ASTL: variants seen among roughly 807,000 people sequenced by gnomAD.
ASTL encodes astacin like metalloendopeptidase, also known as astacin-like metalloendopeptidase.
ASTL carries 27 observed loss-of-function variants against 36.7 expected under a neutral mutation model. That is an observed-to-expected ratio of 0.73 (90% confidence interval 0.54 to 1.01). The LOEUF (loss-of-function observed/expected upper bound fraction) is 1.01. Ranked by LOEUF, ASTL falls within the 50% of genes least tolerant of loss-of-function variation. The pLI is 0.00. For missense variants in ASTL, 524 were observed against 572.8 expected (o/e 0.91, Z 0.87); for synonymous variants, 222 against 228.1 (o/e 0.97, Z 0.24).
rs1682003701 is a variant in ASTL, at chr2:96,123,714, G to A, written c.*136C>T. ...AACACAGTGAAGAGAGACAGGGGAA[G>A]AGTCCTGGCCCTCTGAGATGGGGTG... On this transcript the variant is annotated 3_prime_UTR_variant, in exon 9 of 9. Coordinates refer to ENST00000342380, the MANE Select transcript of ASTL (RefSeq NM_001002036.4). The A allele has an allele frequency of 3.0e-6, 2 of 670,138 alleles. No individual in the cohort carries two copies. Among genetic ancestry groups the A allele is most frequent in the Non-Finnish European group, 5.1e-6 (2 of 394,824 alleles). The allele number at this position is 670,138 out of a possible 1,614,324, so 41.5% of individuals were successfully genotyped here. A position where few individuals can be genotyped will look rare whatever the true frequency, so the allele number is the denominator to read the frequency against.
Position 96,124,145 on chromosome 2 carries a change from G to A in ASTL, c.1001C>T (p.Pro334Leu), listed in dbSNP as rs770500068. 6.4e-7 allele frequency: 1 copy of A among 1,570,104 alleles called. No homozygotes were observed. Among genetic ancestry groups the A allele is most frequent in the Non-Finnish European group, 8.6e-7 (1 of 1,157,688 alleles). The change falls in exon 9 of 9, where the codon CCC becomes CTC. Residue 334 changes from proline (P) to leucine (L), a missense_variant. Pro to Leu is a moderately conservative substitution (Grantham distance 98). Coordinates refer to ENST00000342380, the MANE Select transcript of ASTL (RefSeq NM_001002036.4). The surrounding 1 kb of genome is among the most constrained non-coding windows in gnomAD (Gnocchi z 4.1). Reference sequence around the variant, plus strand: ...GCTCTCCCCAGGCCCTGCAGGAACGGGCTGGCCTCCCGCACTGGAACCACT... The same window carrying A: ...GCTCTCCCCAGGCCCTGCAGGAACGAGCTGGCCTCCCGCACTGGAACCACT... ...DPSGSSAGGQ[P>L]VPAGPGESPH...
Position 96,124,079 on chromosome 2 carries a change from G to A in ASTL, c.1067C>T (p.Ala356Val), listed in dbSNP as rs905698895. ...CTGAGGCTGCCTTGCCGAGGCCTCT[G>A]CACTGAGCTTTTTCAGGGCAGGGGA... ...WESPALKKLS[A>V]EASARQPQTL... Residue 356 changes from alanine to valine, a missense_variant, in exon 9 of 9, where the codon GCA becomes GTA. Coordinates refer to ENST00000342380, the MANE Select transcript of ASTL (RefSeq NM_001002036.4). The surrounding 1 kb of genome is among the most constrained non-coding windows in gnomAD (Gnocchi z 4.1). 2 of 1,612,254 alleles carry A rather than the reference G, an allele frequency of 1.2e-6. No individual in the cohort carries two copies. Among genetic ancestry groups the A allele is most frequent in the African/African-American group, 1.3e-5 (1 of 74,890 alleles).
Position 96,132,542 on chromosome 2 carries a change from G to A in ASTL, c.635C>T (p.Pro212Leu), listed in dbSNP as rs1682201972. Residue 212 changes from proline (P) to leucine (L), a missense_variant and splice_region_variant, in exon 6 of 9, where the codon CCA (proline) becomes CTA (leucine). Physicochemically the swap from Pro to Leu is moderately conservative, Grantham distance 98. Coordinates refer to ENST00000342380, the MANE Select transcript of ASTL (RefSeq NM_001002036.4). The surrounding 1 kb of genome is among the most constrained non-coding windows in gnomAD (Gnocchi z 5.4). ...GTCCTGCGTGTGGCCTGGCTCACCT[G>A]GCAGGATCTCGTTCCAGTTGACACG... ...YIRVNWNEILPGFEINFIKSQ... is the reference protein window; with the variant it reads ...YIRVNWNEILLGFEINFIKSQ... 2 of 1,592,466 alleles carry A rather than the reference G, an allele frequency of 1.3e-6. No homozygotes were observed. Among genetic ancestry groups the A allele is most frequent in the South Asian group, 2.2e-5 (2 of 90,206 alleles).
intron 1 of ASTL, 43 bp downstream of exon 1, chr2:96,138,339 C>T (rs966186295): frequency 5.7e-6 from 9 of 1,569,362 alleles, no homozygotes; most frequent in Admixed American, 3.6e-5. Flanking sequence ...CCAGCTTTCT[C>T]CAGGCTGGAG....
intron 2 of ASTL, 67 bp downstream of exon 2, chr2:96,137,508 T>C: frequency 6.5e-7 from 1 of 1,547,854 alleles, no homozygotes; most frequent in South Asian, 1.1e-5. Flanking sequence ...TTCTGAGTGT[T>C]CGGTGTGGTT....
chr2:96,127,141 CTA>C (rs1682080876), intron 8 of ASTL, among the ~76,000 whole-genome samples: 1 of 152,156 alleles, frequency 6.6e-6, no homozygotes, highest in East Asian at 1.9e-4. Flanking sequence ...ACACAAGAGG[CTA>C]TGTGTTATGA....
At position 96,132,190 on chromosome 2, in the gene ASTL, A is replaced by T. The variant is rs373693181; in HGVS notation, c.637+350T>A. Among the ~76,000 whole-genome samples, 1 of 152,346 alleles carries T rather than the reference A, an allele frequency of 6.6e-6. No homozygotes were observed. The highest frequency in any genetic ancestry group is 1.5e-5 in the Non-Finnish European group (1 of 68,036). On this transcript the variant is annotated intron_variant, in intron 6 of 8. Transcript: ENST00000342380. The surrounding 1 kb of genome is among the most constrained non-coding windows in gnomAD (Gnocchi z 5.4). The stretch of plus-strand genomic sequence containing the variant: ...AGTCCATGGTGGTGGTATCTGGTAC[A>T]TGAGACCGCTGCTAGAGTACTCAAC...
chr2:96,132,729 G>A lies in ASTL; in HGVS notation c.456-8C>T. 4 of 1,603,090 alleles carry A rather than the reference G, an allele frequency of 2.5e-6. No individual in the cohort carries two copies. In the South Asian group the frequency reaches 3.3e-5, roughly 13 times the overall value. ...CCCACACTCGAGAAGCACCTGCAGG[G>A]TGATGAGAGCAAGTGGGGTAAGTGC... is the stretch of plus-strand genomic sequence containing the variant. On this transcript the variant is annotated splice_polypyrimidine_tract_variant and splice_region_variant and intron_variant, in intron 5 of 8. Transcript: ENST00000342380. The surrounding 1 kb of genome is among the most constrained non-coding windows in gnomAD (Gnocchi z 5.4).
Position 96,136,469 on chromosome 2 carries a change from C to T in ASTL, c.182-1057G>A, listed in dbSNP as rs1201394976. ...GGCAGCCCTTATGAGACAGCCTCAC[C>T]GTAGGTGATAGGATAGTTGTTGGGG... On this transcript the variant is annotated intron_variant, in intron 2 of 8. Coordinates refer to ENST00000342380, the MANE Select transcript of ASTL (RefSeq NM_001002036.4). 4.6e-5 allele frequency among the ~76,000 whole-genome samples: 7 copies of T among 152,332 alleles called. No homozygotes were observed. In the South Asian group the frequency reaches 8.3e-4, roughly 18 times the overall value.
At chr2:96,133,368 A>T in intron 5 of ASTL, 57 bp downstream of exon 5, 1 of 1,200,468 alleles carries the variant, frequency 8.3e-7, no homozygotes, top group Non-Finnish European at 1.2e-6. Flanking sequence ...TGGCCAAGTT[A>T]ATTCCGGGCT....
At chr2:96,127,035 A>G (rs1224027708) in intron 8 of ASTL, among the ~76,000 whole-genome samples, 7 of 152,214 alleles carry the variant, frequency 4.6e-5, no homozygotes, top group Admixed American at 4.6e-4. Context: ...TCAACTGGTG[A>G]CTAAGTATGG....
Position 96,131,376 on chromosome 2 carries a change from G to A in ASTL, c.637+1164C>T, listed in dbSNP as rs114164839. ...CAATTTCTGAATAGGAGAAGCTTTC[G>A]GTTTTGATGTATCGGTTTCTACTTT... On this transcript the variant is annotated intron_variant, in intron 6 of 8. Transcript: ENST00000342380. Among the ~76,000 whole-genome samples the A allele has an allele frequency of 4.7e-3, 720 of 151,992 alleles. 6 individuals carry two copies. The highest frequency in any genetic ancestry group is 0.016 in the African/African-American group (682 of 41,422).
At chr2:96,129,434 T>C (rs1269155875) in intron 8 of ASTL, among the ~76,000 whole-genome samples, 1 of 152,212 alleles carries the variant, frequency 6.6e-6, no homozygotes, top group Non-Finnish European at 1.5e-5. Flanking sequence ...TTTTTTTGCT[T>C]CCTTTCCAAT....
chr2:96,133,984 G>A lies in ASTL; in HGVS notation c.318C>T (p.Phe106=). ...ACTCACCGTACTTGCTGGAGAGCAG[G>A]AAGGGGACCTCCACGACACCACTAC... The part of the protein sequence containing the change: ...MGGSGVVEVP[F]LLSSKYDEPS... Residue 106 remains phenylalanine, a synonymous_variant, in exon 4 of 9, where the codon TTC becomes TTT. Coordinates refer to ENST00000342380, the MANE Select transcript of ASTL (RefSeq NM_001002036.4). The A allele has an allele frequency of 6.2e-7, 1 of 1,613,500 alleles. No individual in the cohort carries two copies. The highest frequency in any genetic ancestry group is 1.7e-5 in the Admixed American group (1 of 60,026).
chr2:96,135,359 T>A lies in ASTL; in HGVS notation c.235A>T (p.Ile79Phe), dbSNP rs184519754. ...ESSFLIEGDI[I>F]RPSPFRLLSA... is the part of the protein sequence containing the mutation. The stretch of plus-strand genomic sequence containing the variant: ...TCAGTGTGTGCACTCACCGGCCGGA[T>A]GATGTCCCCCTCGATGAGGAAGCTG... The change falls in exon 3 of 9, where the codon ATC becomes TTC. Residue 79 changes from isoleucine to phenylalanine, a missense_variant. Transcript: ENST00000342380. 3.1e-6 allele frequency: 5 copies of A among 1,614,110 alleles called. No homozygotes were observed. Among genetic ancestry groups the A allele is most frequent in the African/African-American group, 2.7e-5 (2 of 75,062 alleles).
At chr2:96,130,633 G>A (rs1438933822) in intron 6 of ASTL, among the ~76,000 whole-genome samples, 1 of 152,172 alleles carries the variant, frequency 6.6e-6, no homozygotes, top group Non-Finnish European at 1.5e-5. Flanking sequence ...CACTTCCCCA[G>A]ATTTGGAGCC....
chr2:96,133,908 C>T (rs1682239375), intron 4 of ASTL, 57 bp downstream of exon 4: 1 of 1,184,862 alleles, frequency 8.4e-7, no homozygotes, highest in Non-Finnish European at 1.3e-6. Context: ...AGAGGAACAC[C>T]TGCCGCATTA....
chr2:96,135,279 A>C, intron 3 of ASTL, 72 bp downstream of exon 3: 1 of 1,306,742 alleles, frequency 7.7e-7, no homozygotes, highest in Non-Finnish European at 1.1e-6. Context: ...CATGGCATCC[A>C]GGGTGGGCTC....
rs547706508 is a variant in ASTL at position 96,123,053 on chromosome 2, G to A, written c.*797C>T. On this transcript the variant is annotated 3_prime_UTR_variant, in exon 9 of 9. Transcript: ENST00000342380. ...AGAGGAGTAGGGCCTGCCTGGAGGA[G>A]GCCAGGCTGGGAGCTGGGGCAGAGG... 6.6e-5 allele frequency among the ~76,000 whole-genome samples: 10 copies of A among 152,246 alleles called. No homozygotes were observed. The highest frequency in any genetic ancestry group is 1.5e-4 in the Non-Finnish European group (10 of 68,042).
Sources: gnomAD v4.1 joint callset for allele counts (sites outside exome capture counted in the v4.1 genomes callset) on GRCh38, gnomAD v4.1.1 for gene constraint, Gnocchi (gnomAD v3.1) non-coding constraint, MANE v1.5 for transcripts, NCBI Gene and HGNC (gene_info 2026-07-23, HGNC 2026-07-21) for gene names.